The following DAGLA variants were observed in gnomAD, a reference collection of about 807,000 sequenced individuals.
The protein encoded by DAGLA is diacylglycerol lipase-alpha.
DAGLA carries 22 observed loss-of-function variants against 102.6 expected under a neutral mutation model. The observed-to-expected ratio is 0.21, with a 90% CI of 0.15 to 0.31. The LOEUF (loss-of-function observed/expected upper bound fraction) is 0.31. DAGLA is among the 10% of genes least tolerant of loss of function. DAGLA has a pLI of 1.00. For synonymous variants in DAGLA, 578 were observed against 628.9 expected (o/e 0.92, Z 1.21); for missense variants, 927 against 1,446.6 (o/e 0.64, Z 5.83).
rs563359815 is a variant in DAGLA at position 61,745,897 on chromosome 11, A to G, written c.*1408A>G. The stretch of plus-strand genomic sequence containing the variant: ...CCTTTGAGGCAGGGTCGCAGGGACA[A>G]GCTCAGCTTTAGGCACCATCTGTTC... On this transcript the variant is annotated 3_prime_UTR_variant, in exon 20 of 20. Coordinates refer to ENST00000257215, the MANE Select transcript of DAGLA (RefSeq NM_006133.3). 1 of 152,502 alleles carries G rather than the reference A, an allele frequency of 6.6e-6. No homozygotes were observed. The highest frequency in any genetic ancestry group is 2.1e-4 in the South Asian group (1 of 4,828). The allele number at this position is 152,502 out of a possible 1,614,324, so 9.4% of individuals were successfully genotyped here.
In DAGLA at chr11:61,728,301, G is replaced by C; in HGVS notation, c.771+14G>C. 6.2e-7 allele frequency: 1 copy of C among 1,607,218 alleles called. No individual in the cohort carries two copies. Among genetic ancestry groups the C allele is most frequent in the Non-Finnish European group, 8.5e-7 (1 of 1,179,284 alleles). ...GTGCTGGACGAGGTGAGCACCACCA[G>C]CCCCTTCTCCAGGTCACCTCTCCAC... On this transcript the variant is annotated intron_variant, in intron 7 of 19. Transcript: ENST00000257215.
At chr11:61,681,811 C>T (rs1369181374) in intron 1 of DAGLA, among the ~76,000 whole-genome samples, 1 of 152,192 alleles carries the variant, frequency 6.6e-6, no homozygotes, top group Non-Finnish European at 1.5e-5. Context: ...TGTGTTTGCT[C>T]TCACCAGTCC....
rs1482585478 is a variant in DAGLA, at chr11:61,737,310, A to T, written c.1500A>T (p.Pro500=). The T allele has an allele frequency of 2.5e-6, 4 of 1,611,214 alleles. No homozygotes were observed. The African/African-American group carries it at 5.3e-5, about 22-fold the overall frequency. The change falls in exon 14 of 20, where the codon CCA becomes CCT. Residue 500 remains proline, a synonymous_variant. Coordinates refer to ENST00000257215, the MANE Select transcript of DAGLA (RefSeq NM_006133.3). ...PTLKCFAYSP[P]GGLLSEDAME... ...TCAAGTGCTTTGCCTACTCCCCGCC[A>T]GGGGGCCTGCTGAGGTGAGCCATCT...
At chr11:61,719,171 G>A (rs1182362995) in intron 1 of DAGLA, among the ~76,000 whole-genome samples, 2 of 152,136 alleles carry the variant, frequency 1.3e-5, no homozygotes, top group Non-Finnish European at 2.9e-5. Flanking sequence ...TTTCTCTTTG[G>A]GATGCTAAGG....
At chr11:61,716,286 A>G (rs1382381135) in intron 1 of DAGLA, among the ~76,000 whole-genome samples, 1 of 152,100 alleles carries the variant, frequency 6.6e-6, no homozygotes, top group Non-Finnish European at 1.5e-5. Context: ...TGCTGGGGGA[A>G]GGGGTCTAGG....
chr11:61,707,568 A>G (rs1428608427), intron 1 of DAGLA, among the ~76,000 whole-genome samples: 1 of 152,248 alleles, frequency 6.6e-6, no homozygotes, highest in Non-Finnish European at 1.5e-5. Flanking sequence ...GGTGAGGCAG[A>G]CACACCAGAA....
intron 8 of DAGLA, among the ~76,000 whole-genome samples, chr11:61,729,422 A>G (rs1244495880): frequency 1.3e-5 from 2 of 152,216 alleles, no homozygotes; most frequent in Non-Finnish European, 1.5e-5. Flanking sequence ...TAATAGGGAA[A>G]GGTGGTGCCA....
At chr11:61,687,822 T>G (rs1159722500) in intron 1 of DAGLA, among the ~76,000 whole-genome samples, 1 of 152,226 alleles carries the variant, frequency 6.6e-6, no homozygotes, top group Non-Finnish European at 1.5e-5. Flanking sequence ...TTAATCCTCA[T>G]GACCATAACA....
intron 4 of DAGLA, 96 bp from the exon 5 acceptor site, chr11:61,723,338 G>A: frequency 6.6e-7 from 1 of 1,509,336 alleles, no homozygotes; most frequent in Non-Finnish European, 9.1e-7. Flanking sequence ...GAAGCATTTG[G>A]GGTTAGGGAG....
chr11:61,683,340 G>T (rs926234562), intron 1 of DAGLA, among the ~76,000 whole-genome samples: 3 of 152,190 alleles, frequency 2.0e-5, no homozygotes, highest in Non-Finnish European at 2.9e-5. Context: ...GTCCAGCATT[G>T]CAGGTGCTTC....
chr11:61,693,714 T>A (rs2065042555), intron 1 of DAGLA, among the ~76,000 whole-genome samples: 1 of 152,228 alleles, frequency 6.6e-6, no homozygotes, highest in Non-Finnish European at 1.5e-5. Context: ...ACAGTGCACC[T>A]GCCCTGCCTG....
At chr11:61,739,810 C>T (rs1156436767) in intron 17 of DAGLA, 149 bp downstream of exon 17, 2 of 775,150 alleles carry the variant, frequency 2.6e-6, no homozygotes, top group Admixed American at 2.7e-5. Context: ...GGGGTTTCCC[C>T]AGCATCGGGC....
In DAGLA at chr11:61,719,127, C is replaced by T. The variant is rs546114374; in HGVS notation, c.-44-985C>T. Among the ~76,000 whole-genome samples, 16 of 152,306 alleles carry T rather than the reference C, an allele frequency of 1.1e-4. No homozygotes were observed. The East Asian group carries it at 2.9e-3, about 28-fold the overall frequency. The stretch of plus-strand genomic sequence containing the variant: ...TATGGGTATCTCTGGGGACCTAGCT[C>T]CCTGTGGGGTCACCTCCCACCCATG... On this transcript the variant is annotated intron_variant, in intron 1 of 19. Coordinates refer to ENST00000257215, the MANE Select transcript of DAGLA (RefSeq NM_006133.3).
At chr11:61,709,366 C>T (rs1181702890) in intron 1 of DAGLA, among the ~76,000 whole-genome samples, 3 of 152,232 alleles carry the variant, frequency 2.0e-5, no homozygotes, top group Non-Finnish European at 4.4e-5. Flanking sequence ...GCCATAGCCT[C>T]CCAAGTAGCT....
At position 61,743,900 on chromosome 11, in the gene DAGLA, C is replaced by T; in HGVS notation, c.2540C>T (p.Ser847Phe). 1 of 1,612,394 alleles carries T rather than the reference C, an allele frequency of 6.2e-7. No homozygotes were observed. Among genetic ancestry groups the T allele is most frequent in the Non-Finnish European group, 8.5e-7 (1 of 1,179,870 alleles). The change falls in exon 20 of 20, where the codon TCC (serine) becomes TTC (phenylalanine). Residue 847 changes from serine to phenylalanine, a missense_variant. Coordinates refer to ENST00000257215, the MANE Select transcript of DAGLA (RefSeq NM_006133.3). Reference protein sequence around the residue: ...RTELLAADSLSKHSQDTQPLE... With the variant: ...RTELLAADSLFKHSQDTQPLE... The stretch of plus-strand genomic sequence containing the variant: ...GAGCTGCTGGCGGCCGACAGCCTGT[C>T]CAAGCACTCACAGGACACGCAGCCC...
rs117726557 is a variant in DAGLA at position 61,686,065 on chromosome 11, G to A, written c.-45+5561G>A. 8.3e-3 allele frequency among the ~76,000 whole-genome samples: 1,261 copies of A among 152,222 alleles called. 4 individuals carry two copies. Among genetic ancestry groups the A allele is most frequent in the Middle Eastern group, 0.031 (9 of 294 alleles). Reference sequence around the variant, plus strand: ...ACCAGGAAGAGTGGTATGGCAGCAGGGTACTGAGGGACAAGAGTAGGGGGT... The same window carrying A: ...ACCAGGAAGAGTGGTATGGCAGCAGAGTACTGAGGGACAAGAGTAGGGGGT... On this transcript the variant is annotated intron_variant, in intron 1 of 19. Coordinates refer to ENST00000257215, the MANE Select transcript of DAGLA (RefSeq NM_006133.3). This position sits in a 1 kb window ranked among gnomAD's most constrained non-coding sequence, Gnocchi z 5.2.
intron 1 of DAGLA, among the ~76,000 whole-genome samples, chr11:61,689,101 C>G (rs186216687): frequency 1.0e-4 from 16 of 152,388 alleles, no homozygotes; most frequent in African/African-American, 3.6e-4. Context: ...TTCTGCGGGC[C>G]GGGATTACAT....
chr11:61,710,281 G>C (rs1487152477), intron 1 of DAGLA, among the ~76,000 whole-genome samples: 1 of 151,730 alleles, frequency 6.6e-6, no homozygotes, highest in Non-Finnish European at 1.5e-5. Flanking sequence ...CCTAGGAGAG[G>C]GGGTGACTCT....
chr11:61,710,850 G>A lies in DAGLA; in HGVS notation c.-44-9262G>A, dbSNP rs185377423. ...TCTAAGAGCTGAGCACTTTATGTGC[G>A]TTATTTCGTTAACTCCTCATGACTC... is the stretch of plus-strand genomic sequence containing the variant. On this transcript the variant is annotated intron_variant, in intron 1 of 19. Coordinates refer to ENST00000257215, the MANE Select transcript of DAGLA (RefSeq NM_006133.3). 1.8e-4 allele frequency among the ~76,000 whole-genome samples: 28 copies of A among 152,284 alleles called. No individual in the cohort carries two copies. In the South Asian group the frequency reaches 3.7e-3, roughly 20 times the overall value.
Sources: gnomAD v4.1 joint callset for allele counts (sites outside exome capture counted in the v4.1 genomes callset) on GRCh38, gnomAD v4.1.1 for gene constraint, Gnocchi (gnomAD v3.1) non-coding constraint, MANE v1.5 for transcripts, NCBI Gene and HGNC (gene_info 2026-07-23, HGNC 2026-07-21) for gene names.